MEGF10: variants seen among roughly 807,000 people sequenced by gnomAD.
MEGF10 encodes the protein multiple epidermal growth factor-like domains protein 10.
In MEGF10, 86 loss-of-function variants were observed where a neutral mutation model predicts 147.5. That is an observed-to-expected ratio of 0.58 (90% confidence interval 0.49 to 0.70). MEGF10 has a LOEUF of 0.70. Ranked by LOEUF, MEGF10 falls within the 30% of genes least tolerant of loss-of-function variation. The pLI is 0.00. For missense variants in MEGF10, 1,329 were observed against 1,487.3 expected (o/e 0.89, Z 1.75); for synonymous variants, 478 against 525.5 (o/e 0.91, Z 1.24).
chr5:127,440,930 A>C, intron 18 of MEGF10, 63 bp downstream of exon 18: 2 of 1,579,638 alleles, frequency 1.3e-6, no homozygotes, highest in Non-Finnish European at 1.7e-6. Context: ...CATTTCCTAG[A>C]TGCCAGGAAA....
At chr5:127,238,858 AG>A in the MEGF10 span, among the ~76,000 whole-genome samples, 1,382 of 152,308 alleles carry the variant, frequency 9.1e-3, 30 homozygotes, top group African/African-American at 0.032. Context: ...TATATTTTGC[AG>A]TCCTTGTCTG....
intron 17 of MEGF10, among the ~76,000 whole-genome samples, chr5:127,440,197 C>G (rs916518028): frequency 3.3e-5 from 5 of 152,166 alleles, no homozygotes; most frequent in African/African-American, 1.2e-4. Context: ...TACAAAGCAC[C>G]TGTGAAGTAC....
chr5:127,459,107 C>T lies in MEGF10; in HGVS notation c.*1789C>T, dbSNP rs1053357900. ...TGAAATCCTATATGGCATTCTGTCTCAGTGAGTCAGTTAACAAATACGTAT... is the reference window on the plus strand; with the variant it reads ...TGAAATCCTATATGGCATTCTGTCTTAGTGAGTCAGTTAACAAATACGTAT... On this transcript the variant is annotated 3_prime_UTR_variant, in exon 25 of 25. Transcript: ENST00000503335. The T allele has an allele frequency of 1.3e-5, 2 of 152,176 alleles. No individual in the cohort carries two copies. Among genetic ancestry groups the T allele is most frequent in the Non-Finnish European group, 2.9e-5 (2 of 68,036 alleles). 9.4% of individuals were successfully genotyped at this position (152,176 alleles called of 1,614,324 possible).
chr5:127,438,379 T>C (rs953810880), intron 16 of MEGF10, 60 bp from the exon 17 acceptor site: 18 of 1,582,262 alleles, frequency 1.1e-5, no homozygotes, highest in Non-Finnish European at 1.6e-5. Flanking sequence ...TGGATGGAAT[T>C]CTCCCTACTT....
At chr5:127,363,053 A>T (rs1580764986) in intron 4 of MEGF10, among the ~76,000 whole-genome samples, 1 of 152,082 alleles carries the variant, frequency 6.6e-6, no homozygotes, top group African/African-American at 2.4e-5. Context: ...TAATGGCCAG[A>T]TTTCTAATTC....
At chr5:127,378,120 CCT>C (rs1440867521) in intron 5 of MEGF10, among the ~76,000 whole-genome samples, 1 of 152,184 alleles carries the variant, frequency 6.6e-6, no homozygotes, top group Non-Finnish European at 1.5e-5. Flanking sequence ...CTACCACCAC[CCT>C]CTGTCACCCA....
At chr5:127,393,937 A>C (rs1358366375) in intron 5 of MEGF10, among the ~76,000 whole-genome samples, 2 of 151,964 alleles carry the variant, frequency 1.3e-5, no homozygotes, top group African/African-American at 4.8e-5. Context: ...AGGAAAAATC[A>C]GTTCTGTCCC....
At chr5:127,445,225 C>T in intron 19 of MEGF10, 1 of 533,464 alleles carries the variant, frequency 1.9e-6, no homozygotes, top group African/African-American at 1.9e-5. Context: ...CATCACTGTG[C>T]CCAGCTTCTG....
chr5:127,237,047 C>T, the MEGF10 span, among the ~76,000 whole-genome samples: 2 of 152,142 alleles, frequency 1.3e-5, no homozygotes. Context: ...AGAAAGAAAT[C>T]CCAGAAATGT....
At chr5:127,451,416 T>C (rs1766152148) in intron 22 of MEGF10, among the ~76,000 whole-genome samples, 1 of 152,264 alleles carries the variant, frequency 6.6e-6, no homozygotes, top group South Asian at 2.1e-4. Context: ...TTCTATACCA[T>C]TTTTATCAAT....
At chr5:127,267,255 C>T in the MEGF10 span, among the ~76,000 whole-genome samples, 7 of 152,170 alleles carry the variant, frequency 4.6e-5, no homozygotes, top group African/African-American at 1.7e-4. Context: ...ACCAGCCTTG[C>T]ATCCCAGGGA....
the MEGF10 span, among the ~76,000 whole-genome samples, chr5:127,252,460 G>A: frequency 1.3e-5 from 2 of 151,794 alleles, no homozygotes; most frequent in East Asian, 3.9e-4. Context: ...AGTACATATA[G>A]TTTCATATCA....
At chr5:127,413,413 T>C (rs945421520) in intron 9 of MEGF10, among the ~76,000 whole-genome samples, 6 of 152,220 alleles carry the variant, frequency 3.9e-5, no homozygotes, top group African/African-American at 1.2e-4. Flanking sequence ...GCAAATGTCA[T>C]GTAATTGTCA....
intron 8 of MEGF10, among the ~76,000 whole-genome samples, chr5:127,404,775 G>A (rs1764263883): frequency 6.6e-6 from 1 of 152,034 alleles, no homozygotes; most frequent in African/African-American, 2.4e-5. Flanking sequence ...GAGTGCAGTG[G>A]CATGATCTCG....
the MEGF10 span, among the ~76,000 whole-genome samples, chr5:127,247,392 GA>G: frequency 0.012 from 451 of 36,230 alleles, 87 homozygotes; most frequent in African/African-American, 0.052. Flanking sequence ...AGAAGAAGAA[GA>G]AGAAGAAGAA....
At chr5:127,357,746 A>C (rs886418329) in intron 4 of MEGF10, among the ~76,000 whole-genome samples, 2 of 152,058 alleles carry the variant, frequency 1.3e-5, no homozygotes, top group African/African-American at 4.8e-5. Context: ...CTGATGCATA[A>C]TTGTAGGGGT....
intron 16 of MEGF10, among the ~76,000 whole-genome samples, chr5:127,437,529 G>A (rs1765601693): frequency 6.6e-6 from 1 of 152,078 alleles, no homozygotes; most frequent in African/African-American, 2.4e-5. Flanking sequence ...GAAATTACAG[G>A]TGGTCCTCCT....
intron 4 of MEGF10, among the ~76,000 whole-genome samples, chr5:127,351,538 T>G (rs1762090451): frequency 6.6e-6 from 1 of 152,208 alleles, no homozygotes; most frequent in Non-Finnish European, 1.5e-5. Context: ...GTGTGAGTGA[T>G]TCATACAATA....
At chr5:127,384,078 C>A (rs555487167) in intron 5 of MEGF10, among the ~76,000 whole-genome samples, 5 of 152,230 alleles carry the variant, frequency 3.3e-5, no homozygotes, top group Admixed American at 2.0e-4. Flanking sequence ...TTCTCTCCCC[C>A]TCCTTTCTCT....
Sources: allele counts gnomAD v4.1 joint callset (sites outside exome capture counted in the v4.1 genomes callset), GRCh38; gene constraint gnomAD v4.1.1; transcripts MANE v1.5; gene names NCBI Gene and HGNC (gene_info 2026-07-23, HGNC 2026-07-21).